The following PLCG2 variants were observed in gnomAD, a reference collection of about 807,000 sequenced individuals.
PLCG2 encodes phospholipase C gamma 2.
In PLCG2, 69 loss-of-function variants were observed where a neutral mutation model predicts 175.6. The ratio of observed to expected loss-of-function variants is 0.39; its 90% confidence interval spans 0.32 to 0.48. PLCG2 has a LOEUF of 0.48. PLCG2 is among the 20% of genes least tolerant of loss of function. The pLI, the probability that PLCG2 is intolerant of heterozygous loss-of-function variation, is 0.91. For missense variants in PLCG2, 1,798 were observed against 1,650.9 expected, an observed-to-expected ratio of 1.09 and a Z score of -1.54; for synonymous variants, 827 against 624.0, an observed-to-expected ratio of 1.33 and a Z score of -4.85.
chr16:81,836,760 G>C (rs569456260), intron 2 of PLCG2, among the ~76,000 whole-genome samples: 2 of 152,292 alleles, frequency 1.3e-5, no homozygotes, highest in East Asian at 3.9e-4. Flanking sequence ...GCAAACTTTG[G>C]AGCCTGGCCA....
At chr16:81,757,131 A>G (rs1206253676) in intron 2 of PLCG2, among the ~76,000 whole-genome samples, 1 of 152,152 alleles carries the variant, frequency 6.6e-6, no homozygotes, top group Non-Finnish European at 1.5e-5. Context: ...GGGTGAGTCA[A>G]AGGAAAAAGG....
intron 18 of PLCG2, among the ~76,000 whole-genome samples, chr16:81,911,829 AT>A (rs1319495266): frequency 8.8e-6 from 1 of 114,276 alleles, no homozygotes; most frequent in Non-Finnish European, 1.7e-5. Context: ...ACAGAGTCAC[AT>A]TCTGTTGCCT....
At chr16:81,762,029 C>A (rs1910052061) in intron 2 of PLCG2, among the ~76,000 whole-genome samples, 1 of 151,780 alleles carries the variant, frequency 6.6e-6, no homozygotes, top group East Asian at 2.0e-4. Flanking sequence ...GATGGGGTTT[C>A]CCTATGTGGT....
At chr16:81,882,632 C>T (rs1389865967) in intron 8 of PLCG2, among the ~76,000 whole-genome samples, 1 of 152,080 alleles carries the variant, frequency 6.6e-6, no homozygotes. Context: ...CGTTCCCTCG[C>T]TCCTACTCCT....
At chr16:81,803,565 T>TCCTTTCCTTC (rs1327114209) in intron 2 of PLCG2, among the ~76,000 whole-genome samples, 11 of 149,304 alleles carry the variant, frequency 7.4e-5, no homozygotes, top group African/African-American at 2.7e-4. Flanking sequence ...TTCCTTCCTT[T>TCCTTTCCTTC]CCTTTCCTTT....
At chr16:81,741,847 A>G (rs1909602178) in intron 1 of PLCG2, among the ~76,000 whole-genome samples, 1 of 152,226 alleles carries the variant, frequency 6.6e-6, no homozygotes, top group South Asian at 2.1e-4. Flanking sequence ...TCATTATCAT[A>G]TCCATCACTT....
At chr16:81,865,606 A>G (rs4499225) in intron 5 of PLCG2, among the ~76,000 whole-genome samples, 25,168 of 152,164 alleles carry the variant, frequency 0.17, 2,573 homozygotes, top group East Asian at 0.47. Context: ...CTGTTCCTGG[A>G]CATGGGATGG....
At chr16:81,865,301 G>A (rs1330775687) in intron 5 of PLCG2, among the ~76,000 whole-genome samples, 1 of 152,190 alleles carries the variant, frequency 6.6e-6, no homozygotes, top group African/African-American at 2.4e-5. Flanking sequence ...CTCCCCTGCA[G>A]CGATGGGGGC....
At chr16:81,762,235 A>G (rs1253579494) in intron 2 of PLCG2, among the ~76,000 whole-genome samples, 1 of 152,188 alleles carries the variant, frequency 6.6e-6, no homozygotes, top group Non-Finnish European at 1.5e-5. Context: ...TGGCAAATGC[A>G]TACATATGTT....
chr16:81,818,883 A>ATTTTTTTTTTTTTTTTTTTTTTTTTTTTT (rs57346304), intron 2 of PLCG2, among the ~76,000 whole-genome samples: 3 of 106,612 alleles, frequency 2.8e-5, no homozygotes, highest in African/African-American at 8.0e-5. Context: ...GGGCTCATGG[A>ATTTTTTTTTTTTTTTTTTTTTTTTTTTTT]TTTTTTTTTT....
chr16:81,870,746 T>C (rs1907472720), intron 6 of PLCG2, 106 bp from the exon 7 acceptor site: 1 of 598,688 alleles, frequency 1.7e-6, no homozygotes, highest in Non-Finnish European at 2.9e-6. Flanking sequence ...AGCATGCCAA[T>C]AAAATAGCAT....
intron 9 of PLCG2, among the ~76,000 whole-genome samples, chr16:81,884,133 T>C (rs1252960303): frequency 6.6e-6 from 1 of 152,164 alleles, no homozygotes; most frequent in East Asian, 1.9e-4. Context: ...GGCGGATCAC[T>C]TGAAGCCAGG....
intron 2 of PLCG2, among the ~76,000 whole-genome samples, chr16:81,836,196 C>G (rs1905506549): frequency 6.6e-6 from 1 of 152,176 alleles, no homozygotes; most frequent in Admixed American, 6.5e-5. Flanking sequence ...AATGACACAG[C>G]TGACCCAATC....
intron 7 of PLCG2, among the ~76,000 whole-genome samples, chr16:81,877,240 G>A (rs879586429): frequency 9.2e-5 from 14 of 152,208 alleles, no homozygotes; most frequent in Non-Finnish European, 1.8e-4. Flanking sequence ...GGATCGCGAG[G>A]TCAGGAGATC....
At chr16:81,801,869 C>T (rs1326683240) in intron 2 of PLCG2, among the ~76,000 whole-genome samples, 9 of 151,756 alleles carry the variant, frequency 5.9e-5, no homozygotes, top group Non-Finnish European at 1.2e-4. Flanking sequence ...TTAGTAGAGA[C>T]GGGGTTTCAC....
At chr16:81,768,945 C>T (rs1004673324) in intron 2 of PLCG2, among the ~76,000 whole-genome samples, 2 of 152,156 alleles carry the variant, frequency 1.3e-5, no homozygotes, top group South Asian at 2.1e-4. Flanking sequence ...CCCCAGCAGC[C>T]TGGGACTCCT....
At chr16:81,802,358 C>T (rs540352589) in intron 2 of PLCG2, among the ~76,000 whole-genome samples, 20 of 151,340 alleles carry the variant, frequency 1.3e-4, no homozygotes, top group East Asian at 3.9e-4. Context: ...GTGATCCACC[C>T]GCCTCGGCCT....
Position 81,858,436 on chromosome 16 carries a change from GGGA to G in PLCG2, c.431+81_431+83del, listed in dbSNP as rs5818357. The G allele has an allele frequency of 0.45, 442,329 of 974,434 alleles. 101,803 individuals carry two copies. Among genetic ancestry groups the G allele is most frequent in the East Asian group, 0.57 (23,432 of 41,338 alleles). The allele number at this position is 974,434 out of a possible 1,614,324, so 60.4% of individuals were successfully genotyped here. On this transcript the variant is annotated intron_variant, in intron 4 of 32. Coordinates refer to ENST00000564138, the MANE Select transcript of PLCG2 (RefSeq NM_002661.5). ...CCTTTAGCCAACATGGGCTACAGGG[GGGA>G]AAAAAAAAAAAAGGGACATTGGTTT...
intron 30 of PLCG2, 104 bp downstream of exon 30, chr16:81,940,163 G>A: frequency 1.9e-6 from 2 of 1,044,242 alleles, no homozygotes; most frequent in Non-Finnish European, 2.9e-6. Flanking sequence ...TGGTTTGGAT[G>A]GAATCACTGT....
Sources: gnomAD v4.1 joint callset for allele counts (sites outside exome capture counted in the v4.1 genomes callset) on GRCh38, gnomAD v4.1.1 for gene constraint, MANE v1.5 for transcripts, NCBI Gene and HGNC (gene_info 2026-07-23, HGNC 2026-07-21) for gene names.